Variants in SOX5 observed in about 807,000 individuals in gnomAD.
SOX5 encodes SRY-box transcription factor 5.
In SOX5, 9 loss-of-function variants were observed where a neutral mutation model predicts 92.0. The observed-to-expected ratio is 0.10, with a 90% CI of 0.06 to 0.17. The LOEUF is 0.17. Among genes scored for constraint, SOX5 ranks in the 10% least tolerant of loss-of-function variants. SOX5 has a pLI of 1.00. For missense variants in SOX5, 642 were observed against 944.5 expected (o/e 0.68, Z 4.20); for synonymous variants, 344 against 336.3 (o/e 1.02, Z -0.25).
At chr12:24,103,796 T>C (rs1946364552) in intron 4 of SOX5, among the ~76,000 whole-genome samples, 1 of 152,174 alleles carries the variant, frequency 6.6e-6, no homozygotes, top group Non-Finnish European at 1.5e-5. Flanking sequence ...TTCTCAAATA[T>C]GGGGTAAGGA....
At chr12:24,251,443 G>A (rs985987064) in intron 3 of SOX5, among the ~76,000 whole-genome samples, 1 of 151,972 alleles carries the variant, frequency 6.6e-6, no homozygotes, top group African/African-American at 2.4e-5. Flanking sequence ...AATAAAATAG[G>A]TCCCATTTGC....
At position 24,376,689 on chromosome 12, in the gene SOX5, C is replaced by CTTTTTTTTTTTT. The variant is rs1480014070; in HGVS notation, c.-250-8051_-250-8050insAAAAAAAAAAAA. Reference sequence around the variant, plus strand: ...TCAGAATGATGCTATGGGAGAGATACCTTTTTTTTTTTTTTTTTTTTTTTT... The same window carrying CTTTTTTTTTTTT: ...TCAGAATGATGCTATGGGAGAGATACTTTTTTTTTTTTCTTTTTTTTTTTTTTTTTTTTTTTT... On this transcript the variant is annotated intron_variant, in intron 1 of 4. Transcript: ENST00000446891. Among the ~76,000 whole-genome samples the CTTTTTTTTTTTT allele has an allele frequency of 5.4e-5, 5 of 93,076 alleles. 1 individual carries two copies. The highest frequency in any genetic ancestry group is 8.3e-5 in the Non-Finnish European group (4 of 48,068). The allele number at this position is 93,076 out of a possible 152,430, so 61.1% of individuals were successfully genotyped here. A position where few individuals can be genotyped will look rare whatever the true frequency, so the allele number is the denominator to read the frequency against.
At chr12:23,666,007 A>G (rs944996512) in intron 6 of SOX5, among the ~76,000 whole-genome samples, 1 of 152,182 alleles carries the variant, frequency 6.6e-6, no homozygotes, top group Non-Finnish European at 1.5e-5. Flanking sequence ...ATAGCTCTTC[A>G]TTATTTGAGG....
intron 1 of SOX5, among the ~76,000 whole-genome samples, chr12:24,403,164 T>A (rs1222947872): frequency 6.6e-6 from 1 of 152,202 alleles, no homozygotes; most frequent in African/African-American, 2.4e-5. Flanking sequence ...GAACTGAAAT[T>A]ATTTTCTCCT....
At chr12:23,908,357 A>G (rs2097315024) in intron 1 of SOX5, among the ~76,000 whole-genome samples, 1 of 152,070 alleles carries the variant, frequency 6.6e-6, no homozygotes, top group African/African-American at 2.4e-5. Context: ...AAGTAGTCCA[A>G]TGAAGAGAAA....
At chr12:24,134,052 A>C (rs1220046117) in intron 4 of SOX5, among the ~76,000 whole-genome samples, 1 of 152,196 alleles carries the variant, frequency 6.6e-6, no homozygotes, top group East Asian at 1.9e-4. Flanking sequence ...TGTGAATTCT[A>C]AAATGATGAG....
chr12:24,250,200 A>G (rs1939754084), intron 3 of SOX5, among the ~76,000 whole-genome samples: 1 of 152,242 alleles, frequency 6.6e-6, no homozygotes. Context: ...ATGATGGTAA[A>G]GTTTTTGTTC....
At chr12:24,493,149 T>C (rs1272388728) in intron 1 of SOX5, among the ~76,000 whole-genome samples, 3 of 152,192 alleles carry the variant, frequency 2.0e-5, no homozygotes, top group African/African-American at 4.8e-5. Context: ...ACAAATGATA[T>C]CCTTTTCATA....
intron 7 of SOX5, among the ~76,000 whole-genome samples, chr12:23,655,573 C>G (rs1057268211): frequency 6.6e-6 from 1 of 152,088 alleles, no homozygotes; most frequent in African/African-American, 2.4e-5. Context: ...GCTTAGCAAC[C>G]ATTTAATTTG....
rs1420224658 is a variant in SOX5 at position 23,530,579 on chromosome 12, C to G, written c.*3640G>C. 6.6e-6 allele frequency: 1 copy of G among 152,158 alleles called. No homozygotes were observed. Among genetic ancestry groups the G allele is most frequent in the Non-Finnish European group, 1.5e-5 (1 of 68,024 alleles). The allele number at this position is 152,158 out of a possible 1,614,324, so 9.4% of individuals were successfully genotyped here. A position where few individuals can be genotyped will look rare whatever the true frequency, so the allele number is the denominator to read the frequency against. The stretch of plus-strand genomic sequence containing the variant: ...AAATGAACTTCACAAATGGACTTCA[C>G]TAATTTAGGTATAAATGTGCTGAAG... On this transcript the variant is annotated 3_prime_UTR_variant, in exon 15 of 15. Transcript: ENST00000451604.
chr12:23,599,766 C>T (rs1032344083), intron 9 of SOX5, among the ~76,000 whole-genome samples: 22 of 152,126 alleles, frequency 1.4e-4, no homozygotes, highest in Admixed American at 6.5e-5. Flanking sequence ...AACAATTATA[C>T]GAGCTGTGTG....
intron 6 of SOX5, among the ~76,000 whole-genome samples, chr12:23,708,686 T>C (rs531336902): frequency 2.0e-5 from 3 of 152,062 alleles, no homozygotes; most frequent in African/African-American, 7.2e-5. Context: ...GGCAGGAAAG[T>C]GGAAACAGAA....
chr12:24,318,163 C>T (rs922479202), intron 2 of SOX5, among the ~76,000 whole-genome samples: 7 of 152,140 alleles, frequency 4.6e-5, no homozygotes, highest in Admixed American at 2.6e-4. Flanking sequence ...GAACCGAGAT[C>T]ATACCATTGC....
chr12:23,851,376 T>C (rs911887980), intron 2 of SOX5, among the ~76,000 whole-genome samples: 10 of 152,278 alleles, frequency 6.6e-5, no homozygotes, highest in Non-Finnish European at 1.5e-4. Context: ...AATTTTCCAA[T>C]ATTAATGTTC....
chr12:23,853,550 T>TG (rs1015704053), intron 2 of SOX5, among the ~76,000 whole-genome samples: 13 of 151,782 alleles, frequency 8.6e-5, no homozygotes, highest in African/African-American at 2.4e-4. Context: ...CGTGTTTTTT[T>TG]TTTTTTTTTT....
chr12:24,185,899 G>A (rs1486296214), intron 4 of SOX5, among the ~76,000 whole-genome samples: 6 of 152,256 alleles, frequency 3.9e-5, no homozygotes, highest in East Asian at 3.9e-4. Flanking sequence ...TGCTGAAGCT[G>A]ACATGGAGAA....
At chr12:23,659,586 C>G (rs2082751674) in intron 7 of SOX5, among the ~76,000 whole-genome samples, 2 of 152,084 alleles carry the variant, frequency 1.3e-5, no homozygotes, top group African/African-American at 4.8e-5. Context: ...TTTTATACAG[C>G]CAAAACAGTG....
chr12:23,583,455 A>T (rs1372758314), intron 9 of SOX5, among the ~76,000 whole-genome samples: 2 of 152,218 alleles, frequency 1.3e-5, no homozygotes, highest in East Asian at 3.9e-4. Flanking sequence ...GTCAACAATA[A>T]TGTGTGATGA....
At chr12:24,180,811 A>T (rs1050037848) in intron 4 of SOX5, among the ~76,000 whole-genome samples, 2 of 152,212 alleles carry the variant, frequency 1.3e-5, no homozygotes, top group Non-Finnish European at 2.9e-5. Context: ...TGAGAATTTC[A>T]ACTATTTTCA....
Sources: allele counts gnomAD v4.1 joint callset (sites outside exome capture counted in the v4.1 genomes callset), GRCh38; gene constraint gnomAD v4.1.1; transcripts MANE v1.5; gene names NCBI Gene and HGNC (gene_info 2026-07-23, HGNC 2026-07-21).